The following APBB2 variants were observed in gnomAD, a reference collection of about 807,000 sequenced individuals.
APBB2 encodes the protein amyloid beta precursor protein binding family B member 2, also known as Fe65-like 1.
Under a neutral mutation model 82.5 loss-of-function variants are expected in APBB2, and 38 were observed. The observed-to-expected ratio is 0.46, with a 90% CI of 0.36 to 0.60. The LOEUF (loss-of-function observed/expected upper bound fraction) is 0.60. Among genes scored for constraint, APBB2 ranks in the 20% least tolerant of loss-of-function variants. The pLI, the probability that APBB2 is intolerant of heterozygous loss-of-function variation, is 0.00. For missense variants in APBB2, 772 were observed against 972.3 expected (o/e 0.79, Z 2.74); for synonymous variants, 341 against 368.2 (o/e 0.93, Z 0.85).
intron 12 of APBB2, among the ~76,000 whole-genome samples, chr4:40,836,873 T>A (rs1754136802): frequency 1.3e-5 from 2 of 152,308 alleles, no homozygotes; most frequent in Middle Eastern, 3.4e-3. Context: ...TCTGGAACTT[T>A]CCAAACACAC....
chr4:41,139,114 G>GT (rs1553961575), intron 2 of APBB2, among the ~76,000 whole-genome samples: 1 of 152,128 alleles, frequency 6.6e-6, no homozygotes. Flanking sequence ...CCATGTTCAC[G>GT]TATCAGAGCT....
chr4:41,124,803 A>G (rs1416086660), intron 2 of APBB2, among the ~76,000 whole-genome samples: 2 of 152,220 alleles, frequency 1.3e-5, no homozygotes. Context: ...CCTTCCACCC[A>G]GATTTTGGTC....
chr4:40,866,404 C>T (rs371106764), intron 12 of APBB2, among the ~76,000 whole-genome samples: 45 of 151,900 alleles, frequency 3.0e-4, no homozygotes, highest in African/African-American at 9.4e-4. Context: ...AGGAGCTTAC[C>T]CGATGATCGT....
At chr4:40,819,819 A>G (rs981207045) in intron 17 of APBB2, among the ~76,000 whole-genome samples, 1 of 151,164 alleles carries the variant, frequency 6.6e-6, no homozygotes, top group Admixed American at 6.6e-5. Context: ...TATTTTTCTT[A>G]TTTATTTTTT....
chr4:40,970,747 G>A (rs985926280), intron 6 of APBB2, among the ~76,000 whole-genome samples: 16 of 152,070 alleles, frequency 1.1e-4, no homozygotes, highest in African/African-American at 1.7e-4. Flanking sequence ...AGCAGGTCAC[G>A]TTAGTTAAGG....
chr4:40,961,334 T>C (rs1327292003), intron 6 of APBB2, among the ~76,000 whole-genome samples: 1 of 151,958 alleles, frequency 6.6e-6, no homozygotes, highest in Non-Finnish European at 1.5e-5. Context: ...TATAGACATC[T>C]AAATTATAGA....
At chr4:41,050,262 AAACTT>A (rs1035266784) in intron 4 of APBB2, among the ~76,000 whole-genome samples, 2 of 152,264 alleles carry the variant, frequency 1.3e-5, no homozygotes, top group African/African-American at 4.8e-5. Flanking sequence ...TACAATACAG[AAACTT>A]TTAATTAGAC....
chr4:40,870,497 T>C (rs1204606868), intron 12 of APBB2, among the ~76,000 whole-genome samples: 1 of 152,136 alleles, frequency 6.6e-6, no homozygotes, highest in Non-Finnish European at 1.5e-5. Flanking sequence ...CCAACCGGTG[T>C]GCCTCACTCC....
At chr4:40,913,592 T>C (rs549162896) in intron 10 of APBB2, among the ~76,000 whole-genome samples, 2 of 152,310 alleles carry the variant, frequency 1.3e-5, no homozygotes, top group South Asian at 4.2e-4. Flanking sequence ...CCTGGTGCTT[T>C]TGCGGTCATT....
rs1752161751 is a variant in APBB2, at chr4:40,832,019, C to CACACACACACAG, written c.1530-1443_1530-1442insCTGTGTGTGTGT. On this transcript the variant is annotated intron_variant, in intron 12 of 17. Transcript: ENST00000508593. The surrounding 1 kb of genome is among the most constrained non-coding windows in gnomAD (Gnocchi z 4.8). The stretch of plus-strand genomic sequence containing the variant: ...ATTTATATATTTATTTATATACACA[C>CACACACACACAG]ACACACACACACACACACACACACA... Among the ~76,000 whole-genome samples, 1 of 118,896 alleles carries CACACACACACAG rather than the reference C, an allele frequency of 8.4e-6. No homozygotes were observed. Among genetic ancestry groups the CACACACACACAG allele is most frequent in the Non-Finnish European group, 1.8e-5 (1 of 56,482 alleles). 78.0% of individuals were successfully genotyped at this position (118,896 alleles called of 152,430 possible).
intron 12 of APBB2, among the ~76,000 whole-genome samples, chr4:40,831,722 G>A (rs1023834885): frequency 6.6e-6 from 1 of 152,170 alleles, no homozygotes; most frequent in South Asian, 2.1e-4. Flanking sequence ...ACCATGGACT[G>A]CAGTCCTATC....
At chr4:41,067,883 G>A (rs1401421005) in intron 3 of APBB2, among the ~76,000 whole-genome samples, 1 of 152,196 alleles carries the variant, frequency 6.6e-6, no homozygotes, top group Non-Finnish European at 1.5e-5. Flanking sequence ...GCTGCTGGAA[G>A]AGACTAAGTG....
Position 40,821,873 on chromosome 4 carries a change from T to C in APBB2, c.2110A>G (p.Met704Val). Residue 704 changes from methionine (M) to valine (V), a missense_variant and splice_region_variant, in exon 17 of 18, where the codon ATG becomes GTG. By Grantham distance (21) the Met-to-Val change is conservative. Transcript: ENST00000508593. Reference protein sequence around the residue: ...NVSEAVQAACMLRYQKCLVAR... With the variant: ...NVSEAVQAACVLRYQKCLVAR... ...CAGCCTGTACCGGGATAACTCACCA[T>C]GCAGGCGGCCTGCACCGCCTCAGAC... 1.2e-6 allele frequency: 2 copies of C among 1,612,806 alleles called. No homozygotes were observed. The highest frequency in any genetic ancestry group is 1.3e-5 in the African/African-American group (1 of 75,026).
intron 17 of APBB2, among the ~76,000 whole-genome samples, chr4:40,819,164 C>A (rs1746880413): frequency 6.7e-6 from 1 of 149,968 alleles, no homozygotes. Flanking sequence ...CTAAGTCCCT[C>A]CCCTTGGCTC....
At chr4:40,994,198 A>T (rs1403588609) in intron 6 of APBB2, among the ~76,000 whole-genome samples, 1 of 151,608 alleles carries the variant, frequency 6.6e-6, no homozygotes, top group African/African-American at 2.4e-5. Context: ...GAGGAAGGAG[A>T]ATGGCGTGAA....
At chr4:41,046,496 G>A (rs1723474683) in intron 4 of APBB2, among the ~76,000 whole-genome samples, 1 of 152,126 alleles carries the variant, frequency 6.6e-6, no homozygotes, top group Admixed American at 6.5e-5. Flanking sequence ...AAACAAGAAT[G>A]AGATGAAGCC....
At chr4:40,944,759 CA>C (rs927558776) in intron 7 of APBB2, 105 bp downstream of exon 7, 28 of 1,111,216 alleles carry the variant, frequency 2.5e-5, no homozygotes, top group Admixed American at 2.2e-4. Context: ...GCACAATAAT[CA>C]AAAAGCTTAC....
At chr4:40,992,365 G>GGC (rs1343874073) in intron 6 of APBB2, among the ~76,000 whole-genome samples, 20 of 145,246 alleles carry the variant, frequency 1.4e-4, no homozygotes, top group Admixed American at 1.3e-3. Context: ...TAGAGATGGG[G>GGC]GGGGGTCTTT....
At chr4:40,852,343 T>C (rs1759744605) in intron 12 of APBB2, among the ~76,000 whole-genome samples, 3 of 125,834 alleles carry the variant, frequency 2.4e-5, no homozygotes, top group African/African-American at 6.8e-5. Flanking sequence ...AGAGCAAAAC[T>C]CTGTCTTCAA....
Sources: allele counts gnomAD v4.1 joint callset (sites outside exome capture counted in the v4.1 genomes callset), GRCh38; gene constraint gnomAD v4.1.1; non-coding constraint Gnocchi (gnomAD v3.1); transcripts MANE v1.5; gene names NCBI Gene and HGNC (gene_info 2026-07-23, HGNC 2026-07-21).